Variants in ADARB2 observed in about 807,000 individuals in gnomAD.
ADARB2 encodes adenosine deaminase RNA specific B2 (inactive), also known as inactive double-stranded RNA-specific editase B2.
In ADARB2, 25 loss-of-function variants were observed where a neutral mutation model predicts 62.2. The ratio of observed to expected loss-of-function variants is 0.40; its 90% CI spans 0.29 to 0.56. The LOEUF is 0.56. ADARB2 is among the 20% of genes least tolerant of loss of function. The pLI is 0.43. For synonymous variants in ADARB2, 572 were observed against 500.8 expected (o/e 1.14, Z -1.90); for missense variants, 1,071 against 1,077.4 (o/e 0.99, Z 0.08).
chr10:1,585,615 G>C (rs1428616431), intron 1 of ADARB2, among the ~76,000 whole-genome samples: 5 of 152,208 alleles, frequency 3.3e-5, no homozygotes, highest in Non-Finnish European at 5.9e-5. Flanking sequence ...TGTGTATTCG[G>C]TGAAAAGCTA....
rs982676124 is a variant in ADARB2 at position 1,704,005 on chromosome 10, C to G, written c.100+33046G>C. 6.6e-6 allele frequency among the ~76,000 whole-genome samples: 1 copy of G among 152,186 alleles called. No individual in the cohort carries two copies. Among genetic ancestry groups the G allele is most frequent in the African/African-American group, 2.4e-5 (1 of 41,434 alleles). On this transcript the variant is annotated intron_variant, in intron 1 of 9. Transcript: ENST00000381312. This position sits in a 1 kb window ranked among gnomAD's most constrained non-coding sequence, Gnocchi z 5.6. ...GTTTGTTTATTGGATGCTACATTAG[C>G]TATCTATTGCTTTGTGACAAGTTAC...
intron 1 of ADARB2, among the ~76,000 whole-genome samples, chr10:1,629,027 CAGAG>C (rs1457414684): frequency 1.3e-5 from 2 of 152,210 alleles, no homozygotes; most frequent in Non-Finnish European, 2.9e-5. Flanking sequence ...GATGAGAAGA[CAGAG>C]AGAGGGGAGT....
chr10:1,205,251 C>A (rs972334684), intron 7 of ADARB2, among the ~76,000 whole-genome samples: 9 of 152,158 alleles, frequency 5.9e-5, no homozygotes, highest in African/African-American at 2.2e-4. Context: ...TGGGAGTACA[C>A]GAGGGCCTTG....
At chr10:1,527,319 AT>A (rs1435736030) in intron 1 of ADARB2, among the ~76,000 whole-genome samples, 1 of 152,228 alleles carries the variant, frequency 6.6e-6, no homozygotes, top group Non-Finnish European at 1.5e-5. Flanking sequence ...AGACATTCTC[AT>A]CCCCACATAG....
chr10:1,635,558 C>T (rs1414218472), intron 1 of ADARB2, among the ~76,000 whole-genome samples: 1 of 152,156 alleles, frequency 6.6e-6, no homozygotes, highest in South Asian at 2.1e-4. Flanking sequence ...AACCTCCCTG[C>T]TTTGTGGGTG....
intron 8 of ADARB2, among the ~76,000 whole-genome samples, chr10:1,196,601 A>G (rs1368177589): frequency 6.6e-6 from 1 of 152,236 alleles, no homozygotes; most frequent in Non-Finnish European, 1.5e-5. Context: ...TCTCCAGAAA[A>G]TGAAAACAAA....
At chr10:1,639,426 GC>G (rs1408680005) in intron 1 of ADARB2, among the ~76,000 whole-genome samples, 1 of 152,224 alleles carries the variant, frequency 6.6e-6, no homozygotes, top group African/African-American at 2.4e-5. Context: ...AACTGGGTGA[GC>G]TTTATCTGGG....
At chr10:1,530,903 C>A (rs1832224896) in intron 1 of ADARB2, among the ~76,000 whole-genome samples, 1 of 151,334 alleles carries the variant, frequency 6.6e-6, no homozygotes, top group Non-Finnish European at 1.5e-5. Flanking sequence ...TCTCAGCACT[C>A]AGCACTCAGG....
At chr10:1,244,824 G>A (rs765277876) in intron 4 of ADARB2, among the ~76,000 whole-genome samples, 2 of 152,212 alleles carry the variant, frequency 1.3e-5, no homozygotes, top group Non-Finnish European at 2.9e-5. Flanking sequence ...TAGGCAGAGT[G>A]GGCATGGTGG....
rs1832902057 is a variant in ADARB2, at chr10:1,427,458, T to C, written c.101-48298A>G. Among the ~76,000 whole-genome samples the C allele has an allele frequency of 2.0e-5, 3 of 152,184 alleles. No individual in the cohort carries two copies. The South Asian group carries it at 6.2e-4, about 31-fold the overall frequency. On this transcript the variant is annotated intron_variant, in intron 1 of 9. Coordinates refer to ENST00000381312, the MANE Select transcript of ADARB2 (RefSeq NM_018702.4). ...CTGAAGATGATATACAGTTGGCAAA[T>C]AGGCATATGAAAAGATGTTCAATGT...
intron 1 of ADARB2, among the ~76,000 whole-genome samples, chr10:1,734,296 GTTTTTTT>G (rs11338512): frequency 7.6e-6 from 1 of 130,762 alleles, no homozygotes; most frequent in Non-Finnish European, 1.6e-5. Context: ...TGACGAAGGT[GTTTTTTT>G]TTTTTTTTTT....
chr10:1,616,089 G>A (rs939902073), intron 1 of ADARB2, among the ~76,000 whole-genome samples: 1 of 152,190 alleles, frequency 6.6e-6, no homozygotes, highest in Non-Finnish European at 1.5e-5. Flanking sequence ...TAGGCTTTGT[G>A]CCCTCCTTCA....
chr10:1,712,800 A>G lies in ADARB2; in HGVS notation c.100+24251T>C, dbSNP rs113622446. 8.5e-3 allele frequency among the ~76,000 whole-genome samples: 1,288 copies of G among 151,930 alleles called. 19 individuals are homozygous for G. The highest frequency in any genetic ancestry group is 0.029 in the African/African-American group (1,209 of 41,428). Reference sequence around the variant, plus strand: ...ATTTTTTTGTATTTTTAGTAGAGACAGGGTTTCACCGTGTTAGTCAGGATG... The same window carrying G: ...ATTTTTTTGTATTTTTAGTAGAGACGGGGTTTCACCGTGTTAGTCAGGATG... On this transcript the variant is annotated intron_variant, in intron 1 of 9. Transcript: ENST00000381312.
intron 1 of ADARB2, among the ~76,000 whole-genome samples, chr10:1,488,815 C>T (rs145874458): frequency 2.0e-5 from 3 of 151,894 alleles, no homozygotes; most frequent in African/African-American, 4.9e-5. Flanking sequence ...AAAACGCTCG[C>T]ATATCTGCGG....
intron 1 of ADARB2, among the ~76,000 whole-genome samples, chr10:1,383,628 A>G (rs1832502175): frequency 6.6e-6 from 1 of 152,156 alleles, no homozygotes; most frequent in Non-Finnish European, 1.5e-5. Flanking sequence ...AATCAAAATA[A>G]CTGCACATAC....
At chr10:1,339,584 A>T (rs1214183520) in intron 3 of ADARB2, among the ~76,000 whole-genome samples, 10 of 152,260 alleles carry the variant, frequency 6.6e-5, no homozygotes, top group African/African-American at 2.4e-4. Flanking sequence ...ATATCAACCC[A>T]TCCAGGCTGC....
chr10:1,402,606 T>G (rs1832674642), intron 1 of ADARB2, among the ~76,000 whole-genome samples: 1 of 151,614 alleles, frequency 6.6e-6, no homozygotes, highest in Non-Finnish European at 1.5e-5. Context: ...TGTCATCGAG[T>G]CGGAGGCGGC....
intron 3 of ADARB2, among the ~76,000 whole-genome samples, chr10:1,328,809 T>C (rs542982558): frequency 6.2e-4 from 94 of 151,828 alleles, no homozygotes; most frequent in African/African-American, 2.0e-3. Flanking sequence ...CTGGGCAACA[T>C]AGTGAGACAC....
chr10:1,286,677 C>T (rs1304095613), intron 3 of ADARB2, among the ~76,000 whole-genome samples: 1 of 152,132 alleles, frequency 6.6e-6, no homozygotes, highest in African/African-American at 2.4e-5. Context: ...CTCTGAGCCA[C>T]GGGTTCCTCT....
Sources: allele counts gnomAD v4.1 joint callset (sites outside exome capture counted in the v4.1 genomes callset), GRCh38; gene constraint gnomAD v4.1.1; non-coding constraint Gnocchi (gnomAD v3.1); transcripts MANE v1.5; gene names NCBI Gene and HGNC (gene_info 2026-07-23, HGNC 2026-07-21).